The following SH3PXD2A variants were observed in gnomAD, a reference collection of about 807,000 sequenced individuals.
SH3PXD2A encodes SH3 and PX domains 2A, also known as SH3 and PX domain-containing protein 2A.
A neutral mutation model predicts 115.2 loss-of-function variants in SH3PXD2A; 32 were observed. The ratio of observed to expected loss-of-function variants is 0.28; its 90% CI spans 0.21 to 0.37. The LOEUF (loss-of-function observed/expected upper bound fraction) is 0.37. Ranked by LOEUF, SH3PXD2A falls within the 10% of genes least tolerant of loss-of-function variation. The probability of loss-of-function intolerance (pLI) is 1.00; values close to 1 mark genes in which losing one functional copy is unlikely to be tolerated. For synonymous variants in SH3PXD2A, 610 were observed against 629.1 expected (o/e 0.97, Z 0.45); for missense variants, 1,328 against 1,498.7 (o/e 0.89, Z 1.88).
intron 8 of SH3PXD2A, among the ~76,000 whole-genome samples, chr10:103,631,654 G>A (rs1311803697): frequency 1.3e-5 from 2 of 152,186 alleles, no homozygotes; most frequent in Non-Finnish European, 1.5e-5. Flanking sequence ...AGGGAAGGAC[G>A]GAGCCCACCA....
chr10:103,704,329 G>A (rs919742249), intron 5 of SH3PXD2A, among the ~76,000 whole-genome samples: 1 of 152,156 alleles, frequency 6.6e-6, no homozygotes, highest in African/African-American at 2.4e-5. Flanking sequence ...CTCAGGGGGA[G>A]GGGGGAGCAA....
chr10:103,825,569 C>T (rs1233546640), intron 1 of SH3PXD2A, among the ~76,000 whole-genome samples: 1 of 152,166 alleles, frequency 6.6e-6, no homozygotes, highest in African/African-American at 2.4e-5. Context: ...CCCTGGTCAC[C>T]TGTAAATGTG....
intron 2 of SH3PXD2A, among the ~76,000 whole-genome samples, chr10:103,768,035 TG>T (rs2038778244): frequency 1.3e-5 from 2 of 152,110 alleles, no homozygotes; most frequent in South Asian, 4.1e-4. Context: ...GGCCCCTCCT[TG>T]GTAGAATGAG....
intron 3 of SH3PXD2A, among the ~76,000 whole-genome samples, chr10:103,764,125 C>T (rs548756844): frequency 5.3e-5 from 8 of 152,334 alleles, no homozygotes; most frequent in Admixed American, 2.6e-4. Flanking sequence ...TCCTGGAAGC[C>T]CTGTGCATCA....
At position 103,715,781 on chromosome 10, in the gene SH3PXD2A, G is replaced by C. The variant is rs145523813; in HGVS notation, c.398+8489C>G. ...AGACCTGGCATTCGACTGGGATTGG[G>C]GATGTGGGGCTCCTGGAGGAGACAC... On this transcript the variant is annotated intron_variant, in intron 5 of 14. Transcript: ENST00000369774. Among the ~76,000 whole-genome samples the C allele has an allele frequency of 1.3e-3, 192 of 152,320 alleles. 2 individuals carry two copies. The highest frequency in any genetic ancestry group is 4.4e-3 in the African/African-American group (181 of 41,574).
Position 103,601,752 on chromosome 10 carries a change from C to T in SH3PXD2A, c.*64G>A. On this transcript the variant is annotated 3_prime_UTR_variant, in exon 15 of 15. Coordinates refer to ENST00000369774, the MANE Select transcript of SH3PXD2A (RefSeq NM_001394015.1). ...ATTTTTTCCTTTCCCTTTTGTTCGT[C>T]TCACCGCTCATCCAGTGGGCGGCCA... 1.9e-6 allele frequency: 1 copy of T among 532,254 alleles called. No homozygotes were observed. The highest frequency in any genetic ancestry group is 2.7e-6 in the Non-Finnish European group (1 of 372,304). 33.0% of individuals were successfully genotyped at this position (532,254 alleles called of 1,614,324 possible). A position where few individuals can be genotyped will look rare whatever the true frequency, so the allele number is the denominator to read the frequency against.
intron 8 of SH3PXD2A, among the ~76,000 whole-genome samples, chr10:103,636,457 G>A (rs1279388691): frequency 6.6e-6 from 1 of 151,564 alleles, no homozygotes; most frequent in Non-Finnish European, 1.5e-5. Flanking sequence ...GGCACAGATT[G>A]ACATACACAG....
chr10:103,611,269 C>A (rs1273262513), intron 13 of SH3PXD2A, among the ~76,000 whole-genome samples: 1 of 152,234 alleles, frequency 6.6e-6, no homozygotes, highest in Non-Finnish European at 1.5e-5. Flanking sequence ...CAGCCTCTGG[C>A]AATGCCCTGG....
chr10:103,813,711 G>A (rs1178549077), intron 1 of SH3PXD2A, among the ~76,000 whole-genome samples: 6 of 152,098 alleles, frequency 3.9e-5, no homozygotes, highest in Non-Finnish European at 8.8e-5. Context: ...CAGTCCTCTG[G>A]CTCATGCCAG....
chr10:103,790,386 C>T (rs1223224893), intron 2 of SH3PXD2A, among the ~76,000 whole-genome samples: 1 of 152,096 alleles, frequency 6.6e-6, no homozygotes, highest in African/African-American at 2.4e-5. Flanking sequence ...GATCTCCTGA[C>T]CTCGTGATCC....
chr10:103,631,947 A>G (rs1037697064), intron 8 of SH3PXD2A, among the ~76,000 whole-genome samples: 3 of 151,998 alleles, frequency 2.0e-5, no homozygotes, highest in Non-Finnish European at 4.4e-5. Context: ...GTGAGATCCC[A>G]TCTCTTAAAA....
intron 1 of SH3PXD2A, among the ~76,000 whole-genome samples, chr10:103,810,532 C>T (rs1349460823): frequency 6.6e-6 from 1 of 152,152 alleles, no homozygotes; most frequent in Admixed American, 6.5e-5. Flanking sequence ...GAATTTCAAT[C>T]CATACATGTC....
At chr10:103,810,178 T>A (rs4918056) in intron 1 of SH3PXD2A, among the ~76,000 whole-genome samples, 143,349 of 152,098 alleles carry the variant, frequency 0.94, 67,846 homozygotes, top group South Asian at 0.99. Context: ...CTGAAGGTGG[T>A]TGGTGGCATG....
At chr10:103,607,996 C>T (rs953070102) in intron 13 of SH3PXD2A, among the ~76,000 whole-genome samples, 103 of 151,762 alleles carry the variant, frequency 6.8e-4, no homozygotes, top group African/African-American at 2.2e-3. Flanking sequence ...TCTCAAGTAC[C>T]CAGGGACACA....
intron 11 of SH3PXD2A, among the ~76,000 whole-genome samples, chr10:103,613,934 C>T (rs1477410760): frequency 3.3e-5 from 5 of 152,104 alleles, no homozygotes; most frequent in Non-Finnish European, 7.3e-5. Context: ...GCTAAATTTA[C>T]TGTAGTGGAA....
intron 8 of SH3PXD2A, among the ~76,000 whole-genome samples, chr10:103,651,715 CAT>C (rs1443054310): frequency 2.6e-5 from 4 of 152,202 alleles, no homozygotes; most frequent in Non-Finnish European, 4.4e-5. Context: ...TCTTGTAAAA[CAT>C]AAAATACTGT....
intron 6 of SH3PXD2A, among the ~76,000 whole-genome samples, chr10:103,688,017 C>T (rs528531794): frequency 6.6e-6 from 1 of 152,300 alleles, no homozygotes; most frequent in Non-Finnish European, 1.5e-5. Flanking sequence ...TATAGCTCAT[C>T]ACCCACAGCA....
At chr10:103,719,226 A>G (rs978186271) in intron 5 of SH3PXD2A, among the ~76,000 whole-genome samples, 1 of 152,144 alleles carries the variant, frequency 6.6e-6, no homozygotes, top group African/African-American at 2.4e-5. Flanking sequence ...GTACCCACCT[A>G]CTCTGGCTGG....
chr10:103,803,791 C>A (rs115604586), intron 1 of SH3PXD2A, among the ~76,000 whole-genome samples: 283 of 152,320 alleles, frequency 1.9e-3, no homozygotes, highest in African/African-American at 6.6e-3. Context: ...GAAGGACACA[C>A]CTGCGACACA....
Sources: allele counts gnomAD v4.1 joint callset (sites outside exome capture counted in the v4.1 genomes callset), GRCh38; gene constraint gnomAD v4.1.1; transcripts MANE v1.5; gene names NCBI Gene and HGNC (gene_info 2026-07-23, HGNC 2026-07-21).